ADAM18: variants seen among roughly 807,000 people sequenced by gnomAD.
The protein encoded by ADAM18 is disintegrin and metalloproteinase domain-containing protein 18.
A neutral mutation model predicts 94.4 loss-of-function variants in ADAM18; 117 were observed. The ratio of observed to expected loss-of-function variants is 1.24; its 90% CI spans 1.07 to 1.45. ADAM18 has a LOEUF of 1.45. Ranked by LOEUF, ADAM18 falls within the 40% of genes most tolerant of loss-of-function variation. The probability of loss-of-function intolerance (pLI) is 0.00; values close to 1 mark genes in which losing one functional copy is unlikely to be tolerated. For synonymous variants in ADAM18, 327 were observed against 291.6 expected (o/e 1.12, Z -1.24); for missense variants, 936 against 880.0 (o/e 1.06, Z -0.81).
chr8:39,627,224 A>G (rs1048413290), intron 6 of ADAM18, among the ~76,000 whole-genome samples: 3 of 152,304 alleles, frequency 2.0e-5, no homozygotes, highest in Middle Eastern at 3.4e-3. Flanking sequence ...TCACAGCTCC[A>G]CATGGCTGGG....
At chr8:39,594,687 G>T (rs1451666155) in intron 2 of ADAM18, among the ~76,000 whole-genome samples, 3 of 119,178 alleles carry the variant, frequency 2.5e-5, no homozygotes, top group African/African-American at 9.4e-5. Flanking sequence ...GCTGTCATTT[G>T]TTTTTTTTTC....
chr8:39,667,851 T>C, intron 13 of ADAM18, 147 bp from the exon 14 acceptor site: 1 of 719,322 alleles, frequency 1.4e-6, no homozygotes, highest in Admixed American at 2.8e-5. Flanking sequence ...CTGTATTTGA[T>C]TTTTTTTGGC....
intron 6 of ADAM18, among the ~76,000 whole-genome samples, chr8:39,618,723 G>A (rs551842000): frequency 1.4e-4 from 22 of 152,086 alleles, no homozygotes; most frequent in Non-Finnish European, 2.6e-4. Flanking sequence ...ATATGGACAG[G>A]TGCCCCCCAT....
intron 17 of ADAM18, 98 bp downstream of exon 17, chr8:39,692,778 C>A: frequency 1.2e-6 from 1 of 819,492 alleles, no homozygotes; most frequent in Non-Finnish European, 1.9e-6. Context: ...ACTTGCCTAG[C>A]TCTGGTAGAC....
intron 6 of ADAM18, among the ~76,000 whole-genome samples, chr8:39,620,250 C>T (rs1425589278): frequency 2.0e-5 from 3 of 150,676 alleles, no homozygotes; most frequent in Non-Finnish European, 3.0e-5. Flanking sequence ...AGCTTAAAAC[C>T]CCAGACCATG....
chr8:39,667,261 G>T (rs534701709), intron 13 of ADAM18, among the ~76,000 whole-genome samples: 13 of 151,864 alleles, frequency 8.6e-5, no homozygotes, highest in African/African-American at 3.1e-4. Flanking sequence ...AATTAGCCAG[G>T]CGTGGTGGCA....
At chr8:39,726,069 C>T (rs1167023499) in intron 19 of ADAM18, among the ~76,000 whole-genome samples, 2 of 151,890 alleles carry the variant, frequency 1.3e-5, no homozygotes, top group Non-Finnish European at 2.9e-5. Context: ...TAAAGTAAGC[C>T]ATTCTAAATG....
At position 39,609,576 on chromosome 8, in the gene ADAM18, T is replaced by C. The variant is rs79414226; in HGVS notation, c.344+15T>C. On this transcript the variant is annotated intron_variant, in intron 5 of 19. Transcript: ENST00000265707. ...TCTGGTCTCAGGTAATAGCACCTTA[T>C]AAGAAATCTATAGATGGAGAACTTA... The C allele has an allele frequency of 5.3e-3, 8,285 of 1,569,094 alleles. 152 individuals carry two copies. Among genetic ancestry groups the C allele is most frequent in the African/African-American group, 0.051 (3,747 of 74,166 alleles).
chr8:39,704,506 T>C (rs990053633), intron 17 of ADAM18, among the ~76,000 whole-genome samples: 4 of 152,102 alleles, frequency 2.6e-5, no homozygotes, highest in African/African-American at 9.7e-5. Context: ...AAATTCAACA[T>C]ATTTTTAAAT....
intron 12 of ADAM18, among the ~76,000 whole-genome samples, chr8:39,650,513 A>G (rs1820502093): frequency 6.6e-6 from 1 of 152,240 alleles, no homozygotes; most frequent in African/African-American, 2.4e-5. Context: ...TGTATGAAAA[A>G]GAAATCAAGA....
intron 16 of ADAM18, among the ~76,000 whole-genome samples, chr8:39,684,771 A>G (rs1191956520): frequency 6.6e-6 from 1 of 152,182 alleles, no homozygotes; most frequent in East Asian, 1.9e-4. Flanking sequence ...TGAAAAGGTA[A>G]AAGTTAATAA....
intron 11 of ADAM18, among the ~76,000 whole-genome samples, chr8:39,647,707 G>C (rs1255591607): frequency 6.6e-6 from 1 of 152,132 alleles, no homozygotes; most frequent in African/African-American, 2.4e-5. Context: ...TTGTGCCCCT[G>C]GTTTATTGAG....
rs1218858384 is a variant in ADAM18, at chr8:39,668,196, G to T, written c.1525G>T (p.Gly509Cys). The T allele has an allele frequency of 1.2e-6, 2 of 1,613,632 alleles. No individual in the cohort carries two copies. Among genetic ancestry groups the T allele is most frequent in the Non-Finnish European group, 1.7e-6 (2 of 1,179,692 alleles). ...CCAGTGTGCCAAGATATTTGGAAAA[G>T]GTATTGCTCTTTCTTTCGTATTTAT... ...DNQCAKIFGK[G>C]AQGAPFACFK... The change falls in exon 14 of 20, where the codon GGT (glycine) becomes TGT (cysteine). Residue 509 changes from glycine to cysteine, a missense_variant and splice_region_variant. Gly to Cys is a radical substitution (Grantham distance 159). Coordinates refer to ENST00000265707, the MANE Select transcript of ADAM18 (RefSeq NM_014237.3).
chr8:39,617,352 A>G (rs976999970), intron 6 of ADAM18, among the ~76,000 whole-genome samples: 11 of 152,254 alleles, frequency 7.2e-5, no homozygotes, highest in African/African-American at 2.6e-4. Flanking sequence ...ACAGATACTC[A>G]CGAGGCTGTG....
At chr8:39,668,242 C>T in intron 14 of ADAM18, 46 bp downstream of exon 14, 2 of 1,563,524 alleles carry the variant, frequency 1.3e-6, no homozygotes, top group Non-Finnish European at 1.8e-6. Flanking sequence ...ATTTGCATCT[C>T]TCTGTAGAGT....
At chr8:39,621,108 G>A (rs886299324) in intron 6 of ADAM18, among the ~76,000 whole-genome samples, 6 of 151,780 alleles carry the variant, frequency 4.0e-5, no homozygotes, top group African/African-American at 1.5e-4. Flanking sequence ...TTAAAGAATA[G>A]CCAAAACATT....
At chr8:39,682,257 A>G (rs186952831) in intron 16 of ADAM18, among the ~76,000 whole-genome samples, 232 of 152,348 alleles carry the variant, frequency 1.5e-3, no homozygotes, top group Non-Finnish European at 2.4e-3. Flanking sequence ...GCAGAAGCCT[A>G]AGGTAGAAAA....
chr8:39,586,602 C>T (rs992816718), intron 2 of ADAM18, among the ~76,000 whole-genome samples: 1 of 152,150 alleles, frequency 6.6e-6, no homozygotes, highest in Non-Finnish European at 1.5e-5. Flanking sequence ...TGGTGTGTGC[C>T]TGTAGTCCCA....
In ADAM18 at chr8:39,692,638, G is replaced by A; in HGVS notation, c.1860G>A (p.Met620Ile). ...VNKTCRKVHL[M>I]GYNCNATTKC... ...AAACCTGCAGAAAAGTTCATTTAAT[G>A]GGATATAACTGTAATGCCACCACAA... Residue 620 changes from methionine (M) to isoleucine (I), a missense_variant, in exon 17 of 20, where the codon ATG (methionine) becomes ATA (isoleucine). Coordinates refer to ENST00000265707, the MANE Select transcript of ADAM18 (RefSeq NM_014237.3). The A allele has an allele frequency of 1.9e-6, 3 of 1,606,238 alleles. No individual in the cohort carries two copies. Among genetic ancestry groups the A allele is most frequent in the Non-Finnish European group, 2.6e-6 (3 of 1,175,666 alleles).
Sources: gnomAD v4.1 joint callset for allele counts (sites outside exome capture counted in the v4.1 genomes callset) on GRCh38, gnomAD v4.1.1 for gene constraint, MANE v1.5 for transcripts, NCBI Gene and HGNC (gene_info 2026-07-23, HGNC 2026-07-21) for gene names.